DNAH1: variants seen among roughly 807,000 people sequenced by gnomAD.
DNAH1 encodes dynein axonemal heavy chain 1.
DNAH1 carries 327 observed loss-of-function variants against 484.3 expected under a neutral mutation model. The ratio of observed to expected loss-of-function variants is 0.68; its 90% CI spans 0.62 to 0.74. The LOEUF (loss-of-function observed/expected upper bound fraction) is 0.74. Ranked by LOEUF, DNAH1 falls within the 30% of genes least tolerant of loss-of-function variation. The pLI is 0.00. For synonymous variants in DNAH1, 2,192 were observed against 2,191.9 expected (o/e 1.00, Z 0.00); for missense variants, 5,052 against 5,546.8 (o/e 0.91, Z 2.83).
intron 8 of DNAH1, among the ~76,000 whole-genome samples, chr3:52,340,217 G>C (rs1701885772): frequency 6.6e-6 from 1 of 151,942 alleles, no homozygotes; most frequent in Non-Finnish European, 1.5e-5. Flanking sequence ...CTGGTAGCTG[G>C]GACTACAGGC....
At chr3:52,322,893 C>G in intron 2 of DNAH1, 118 bp downstream of exon 2, 1 of 929,346 alleles carries the variant, frequency 1.1e-6, no homozygotes, top group Non-Finnish European at 1.7e-6. Flanking sequence ...GTCTATCGAT[C>G]TATCCATCTG....
At chr3:52,356,974 T>G (rs1702634961) in intron 22 of DNAH1, among the ~76,000 whole-genome samples, 196 bp downstream of exon 22, 1 of 152,002 alleles carries the variant, frequency 6.6e-6, no homozygotes, top group South Asian at 2.1e-4. Context: ...TCACTGACGG[T>G]TTTTCTCTTG....
chr3:52,321,904 C>G (rs1701162549), intron 1 of DNAH1, among the ~76,000 whole-genome samples: 1 of 152,084 alleles, frequency 6.6e-6, no homozygotes, highest in African/African-American at 2.4e-5. Context: ...GTCCAGCGCT[C>G]ACAGGTGCTA....
chr3:52,384,707 T>C, intron 52 of DNAH1, 79 bp from the exon 53 acceptor site: 1 of 1,425,080 alleles, frequency 7.0e-7, no homozygotes. Flanking sequence ...TCGGCCCAGG[T>C]TGCAGTGGCT....
Position 52,345,642 on chromosome 3 carries a change from C to T in DNAH1, c.1592C>T (p.Ser531Leu), listed in dbSNP as rs1428211550. Residue 531 changes from serine to leucine, a missense_variant, in exon 10 of 78, where the codon TCG becomes TTG. Ser to Leu is a moderately radical substitution (Grantham distance 145, BLOSUM62 -2). Coordinates refer to ENST00000420323, the MANE Select transcript of DNAH1 (RefSeq NM_015512.5). ...GTGACCGCCATGTCCCTGTTCCACTCGAGCCTCTCCAAGTACAGCCACCTG... is the reference window on the plus strand; with the variant it reads ...GTGACCGCCATGTCCCTGTTCCACTTGAGCCTCTCCAAGTACAGCCACCTG... ...NKVTAMSLFH[S>L]SLSKYSHLEE... 19 of 1,610,798 alleles carry T rather than the reference C, an allele frequency of 1.2e-5. No homozygotes were observed. Among genetic ancestry groups the T allele is most frequent in the East Asian group, 2.2e-5 (1 of 44,688 alleles).
At position 52,390,970 on chromosome 3, in the gene DNAH1, G is replaced by C; in HGVS notation, c.9657G>C (p.Glu3219Asp). Residue 3219 changes from glutamate to aspartate, a missense_variant, in exon 61 of 78, where the codon GAG becomes GAC. By Grantham distance (45) the Glu-to-Asp change is conservative. Around this residue, in one of 4 missense-constraint regions of DNAH1, gnomAD observed 2,929 missense variants for 3,409.4 expected, o/e 0.86. Transcript: ENST00000420323. ...TCCCCAACGACACACTGTCAGTGGAGAACGGGGTCATCAACCAGTTTTCCC... is the reference window on the plus strand; with the variant it reads ...TCCCCAACGACACACTGTCAGTGGACAACGGGGTCATCAACCAGTTTTCCC... ...AGLPNDTLSV[E>D]NGVINQFSQR... 1 of 1,552,546 alleles carries C rather than the reference G, an allele frequency of 6.4e-7. No individual in the cohort carries two copies. Among genetic ancestry groups the C allele is most frequent in the Non-Finnish European group, 8.7e-7 (1 of 1,147,416 alleles).
intron 8 of DNAH1, among the ~76,000 whole-genome samples, chr3:52,334,772 G>T (rs983050815): frequency 1.3e-5 from 2 of 152,100 alleles, no homozygotes; most frequent in African/African-American, 4.8e-5. Flanking sequence ...CAGCATGGGT[G>T]ACAGAGTGAG....
At position 52,323,824 on chromosome 3, in the gene DNAH1, C is replaced by T. The variant is rs753095588; in HGVS notation, c.350C>T (p.Pro117Leu). ...TGGTTTCAGGAGGTATGTCGTGGCCCCCGAATGAGCCAGAACCTCCTGCGG... is the reference window on the plus strand; with the variant it reads ...TGGTTTCAGGAGGTATGTCGTGGCCTCCGAATGAGCCAGAACCTCCTGCGG... ...LDQLGEVCRG[P>L]RMSQNLLRQA... is the part of the protein sequence containing the mutation. Residue 117 changes from proline (P) to leucine (L), a missense_variant, in exon 3 of 78, where the codon CCC becomes CTC. Coordinates refer to ENST00000420323, the MANE Select transcript of DNAH1 (RefSeq NM_015512.5). 3 of 1,590,390 alleles carry T rather than the reference C, an allele frequency of 1.9e-6. No individual in the cohort carries two copies. Among genetic ancestry groups the T allele is most frequent in the Admixed American group, 1.8e-5 (1 of 56,638 alleles).
Position 52,380,042 on chromosome 3 carries a change from C to T in DNAH1, c.7515C>T (p.Asn2505=), listed in dbSNP as rs1177215402. 1.2e-6 allele frequency: 2 copies of T among 1,601,770 alleles called. No homozygotes were observed. Among genetic ancestry groups the T allele is most frequent in the African/African-American group, 2.7e-5 (2 of 74,686 alleles). The part of the protein sequence containing the change: ...RCMEQWEVTF[N]KVCPFQPILY... ...TGGAGCAGTGGGAGGTGACCTTCAA[C>T]AAGGTCTGCCCCTTCCAGCCCATTC... Residue 2505 remains asparagine (N), a synonymous_variant, in exon 48 of 78, where the codon AAC becomes AAT. Transcript: ENST00000420323.
chr3:52,395,678 G>A lies in DNAH1; in HGVS notation c.11259G>A (p.Lys3753=), dbSNP rs775833876. 3.7e-6 allele frequency: 6 copies of A among 1,613,000 alleles called. No individual in the cohort carries two copies. The Admixed American group carries it at 1.0e-4, about 27-fold the overall frequency. Residue 3753 remains lysine (K), a splice_region_variant and synonymous_variant, in exon 70 of 78, where the codon AAG becomes AAA. Coordinates refer to ENST00000420323, the MANE Select transcript of DNAH1 (RefSeq NM_015512.5). This position sits in a 1 kb window ranked among gnomAD's most constrained non-coding sequence, Gnocchi z 4.4. The stretch of plus-strand genomic sequence containing the variant: ...TCATCGAGCACATCAACCCCGACAA[G>A]GTGTGTTGCCCTGCCCATCACAGAC... ...ERLIEHINPD[K]VHRDFRLWLT...
In DNAH1 at chr3:52,351,970, C is replaced by T; in HGVS notation, c.2738C>T (p.Ala913Val). ...ACCCCCATCCCGGCCAGATGGATTG[C>T]CAGCAACTGGCCTTCTAAGATCCTT... ...SSDDFNDKWI[A>V]SNWPSKILGQ... Residue 913 changes from alanine to valine, a missense_variant, in exon 17 of 78, where the codon GCC (alanine) becomes GTC (valine). Ala to Val is a moderately conservative substitution (Grantham distance 64, BLOSUM62 0). Transcript: ENST00000420323. 1 of 1,601,702 alleles carries T rather than the reference C, an allele frequency of 6.2e-7. No homozygotes were observed.
Position 52,376,375 on chromosome 3 carries a change from C to T in DNAH1, c.7198+382C>T, listed in dbSNP as rs547242928. Among the ~76,000 whole-genome samples the T allele has an allele frequency of 6.0e-4, 92 of 152,308 alleles. 2 individuals carry two copies. The South Asian group carries it at 0.019, about 32-fold the overall frequency. ...GGGCAGGCATCGTGGTGAATCTGCC[C>T]GTCGTCGCGGCAAGGCGGCTGACCA... On this transcript the variant is annotated intron_variant, in intron 46 of 77. Coordinates refer to ENST00000420323, the MANE Select transcript of DNAH1 (RefSeq NM_015512.5).
At chr3:52,347,499 G>A (rs1702191304) in intron 11 of DNAH1, among the ~76,000 whole-genome samples, 1 of 152,182 alleles carries the variant, frequency 6.6e-6, no homozygotes, top group Admixed American at 6.5e-5. Flanking sequence ...GCTGTGTAGC[G>A]AAGATGGGAA....
intron 44 of DNAH1, chr3:52,374,401 C>T (rs1195262379): frequency 4.5e-6 from 6 of 1,328,026 alleles, no homozygotes; most frequent in Admixed American, 3.4e-5. Flanking sequence ...GACAGCACCC[C>T]CACAGAACCA....
In DNAH1 at chr3:52,323,835, C is replaced by T. The variant is rs778288840; in HGVS notation, c.361C>T (p.Gln121Ter). Residue 121 changes from glutamine to a stop codon, truncating the protein, a stop_gained, in exon 3 of 78, where the codon CAG becomes TAG. Coordinates refer to ENST00000420323, the MANE Select transcript of DNAH1 (RefSeq NM_015512.5). LOFTEE classifies it high-confidence loss of function. ...GGTATGTCGTGGCCCCCGAATGAGC[C>T]AGAACCTCCTGCGGCAGGCTGACCT... The part of the protein sequence containing the change: ...GEVCRGPRMS[Q>*]NLLRQADLDK... The T allele has an allele frequency of 1.9e-6, 3 of 1,589,474 alleles. No individual in the cohort carries two copies. Among genetic ancestry groups the T allele is most frequent in the Non-Finnish European group, 2.6e-6 (3 of 1,167,934 alleles).
chr3:52,319,367 C>G (rs2153222415), intron 1 of DNAH1, among the ~76,000 whole-genome samples: 1 of 152,340 alleles, frequency 6.6e-6, no homozygotes, highest in African/African-American at 2.4e-5. Context: ...AACTGTGGCT[C>G]TTGCTGGCTC....
chr3:52,332,109 T>C (rs1701575466), intron 7 of DNAH1, 33 bp from the exon 8 acceptor site: 7 of 1,539,458 alleles, frequency 4.5e-6, no homozygotes, highest in Non-Finnish European at 6.2e-6. Context: ...AGCCTGATTG[T>C]GTGTCCCCTT....
In DNAH1 at chr3:52,381,970, G is replaced by A; in HGVS notation, c.7805+134G>A. The A allele has an allele frequency of 2.0e-6, 2 of 997,610 alleles. No individual in the cohort carries two copies. The highest frequency in any genetic ancestry group is 2.9e-6 in the Non-Finnish European group (2 of 697,492). 61.8% of individuals were successfully genotyped at this position (997,610 alleles called of 1,614,324 possible). A position where few individuals can be genotyped will look rare whatever the true frequency, so the allele number is the denominator to read the frequency against. The stretch of plus-strand genomic sequence containing the variant: ...GGCCCGTGCAGCCTACAGGCTTCTG[G>A]AAAGACTAGTAGCAGGATCTGGGCT... On this transcript the variant is annotated intron_variant, in intron 49 of 77. Transcript: ENST00000420323. This position sits in a 1 kb window ranked among gnomAD's most constrained non-coding sequence, Gnocchi z 4.1.
chr3:52,390,815 G>C (rs889441497), intron 60 of DNAH1, 120 bp from the exon 61 acceptor site: 1 of 1,440,700 alleles, frequency 6.9e-7, no homozygotes, highest in South Asian at 1.3e-5. Context: ...CAACCTCCAA[G>C]GGGATGCAGT....
Sources: gnomAD v4.1 joint callset for allele counts (sites outside exome capture counted in the v4.1 genomes callset) on GRCh38, gnomAD v4.1.1 for gene constraint, gnomAD v4.1.1 regional missense constraint, Gnocchi (gnomAD v3.1) non-coding constraint, MANE v1.5 for transcripts, NCBI Gene and HGNC (gene_info 2026-07-23, HGNC 2026-07-21) for gene names.